CPNE2: variants seen among roughly 807,000 people sequenced by gnomAD.
CPNE2 encodes the protein copine-2.
In CPNE2, 42 loss-of-function variants were observed where a neutral mutation model predicts 69.7. The observed-to-expected ratio is 0.60, with a 90% CI of 0.47 to 0.78. CPNE2 has a LOEUF of 0.78. Among genes scored for constraint, CPNE2 ranks in the 30% least tolerant of loss-of-function variants. CPNE2 has a pLI of 0.00. For missense variants in CPNE2, 587 were observed against 732.0 expected (o/e 0.80, Z 2.29); for synonymous variants, 294 against 289.8 (o/e 1.01, Z -0.15).
chr16:57,142,815 T>C (rs2069932175), intron 14 of CPNE2: 1 of 152,230 alleles, frequency 6.6e-6, no homozygotes. Context: ...GCAGCTTCCC[T>C]AGACTCTGCC....
chr16:57,120,004 G>A (rs748077574), intron 7 of CPNE2, among the ~76,000 whole-genome samples: 2 of 152,254 alleles, frequency 1.3e-5, no homozygotes, highest in Non-Finnish European at 2.9e-5. Flanking sequence ...TGAGTGCAGT[G>A]TCTCATGCCT....
In CPNE2 at chr16:57,129,768, G is replaced by A. The variant is rs540302537; in HGVS notation, c.1116+1865G>A. 4.6e-5 allele frequency among the ~76,000 whole-genome samples: 7 copies of A among 152,300 alleles called. No homozygotes were observed. The East Asian group carries it at 1.2e-3, about 25-fold the overall frequency. On this transcript the variant is annotated intron_variant, in intron 12 of 15. Coordinates refer to ENST00000290776, the MANE Select transcript of CPNE2 (RefSeq NM_152727.6). ...CGGGAGGCAGTGGTTGCAGTGAGCCGAGATCGTGCCACTGCACTCCAGCCT... is the reference window on the plus strand; with the variant it reads ...CGGGAGGCAGTGGTTGCAGTGAGCCAAGATCGTGCCACTGCACTCCAGCCT...
chr16:57,126,502 G>A (rs77120348), intron 11 of CPNE2, among the ~76,000 whole-genome samples: 1,741 of 151,772 alleles, frequency 0.011, 27 homozygotes, highest in African/African-American at 0.036. Flanking sequence ...CCTTTGGGTC[G>A]GGCTGGGTAC....
chr16:57,099,264 G>A (rs2145232774), intron 1 of CPNE2, among the ~76,000 whole-genome samples: 1 of 152,310 alleles, frequency 6.6e-6, no homozygotes, highest in East Asian at 1.9e-4. Context: ...ACCCATCCGT[G>A]TTATTGCTAC....
In CPNE2 at chr16:57,122,417, A is replaced by G. The variant is rs143876717; in HGVS notation, c.867+657A>G. ...GCCTCGTCTGGCTAGGGTTTACACG[A>G]ACATTCAGTGGTGTCACGACAAAAA... On this transcript the variant is annotated intron_variant, in intron 9 of 15. Coordinates refer to ENST00000290776, the MANE Select transcript of CPNE2 (RefSeq NM_152727.6). Among the ~76,000 whole-genome samples the G allele has an allele frequency of 6.4e-3, 970 of 152,326 alleles. 10 individuals are homozygous for G. The highest frequency in any genetic ancestry group is 0.022 in the African/African-American group (927 of 41,564).
At chr16:57,135,974 AGGAG>A (rs1169502734) in intron 13 of CPNE2, among the ~76,000 whole-genome samples, 1 of 130,030 alleles carries the variant, frequency 7.7e-6, no homozygotes, top group African/African-American at 2.8e-5. Context: ...GGAAGGGAGA[AGGAG>A]GGAGGGAAGG....
chr16:57,119,402 G>A (rs917828253), intron 6 of CPNE2, 124 bp downstream of exon 6: 1 of 1,145,206 alleles, frequency 8.7e-7, no homozygotes, highest in Non-Finnish European at 1.3e-6. Context: ...AGTGGCACCT[G>A]AGGGATATGC....
intron 7 of CPNE2, among the ~76,000 whole-genome samples, chr16:57,120,823 G>A (rs2069756296): frequency 6.6e-6 from 1 of 152,182 alleles, no homozygotes; most frequent in Non-Finnish European, 1.5e-5. Context: ...GGTGGAGGGG[G>A]AGCCATTTGC....
chr16:57,119,626 T>G lies in CPNE2; in HGVS notation c.657T>G (p.Asp219Glu), dbSNP rs2145256849. The G allele has an allele frequency of 2.5e-6, 4 of 1,612,116 alleles. No individual in the cohort carries two copies. In the South Asian group the frequency reaches 4.4e-5, roughly 18 times the overall value. Reference sequence around the variant, plus strand: ...CAGTGCCCTTGGTGTCCCTGTGTGATGGGGACATGGAGAAGCCCATCCAGG... The same window carrying G: ...CAGTGCCCTTGGTGTCCCTGTGTGAGGGGGACATGGAGAAGCCCATCCAGG... ...PFTVPLVSLC[D>E]GDMEKPIQVM... Residue 219 changes from aspartate (D) to glutamate (E), a missense_variant, in exon 7 of 16, where the codon GAT becomes GAG. By Grantham distance (45) the Asp-to-Glu change is conservative. Transcript: ENST00000290776.
At chr16:57,106,750 G>A (rs1007864096) in intron 1 of CPNE2, among the ~76,000 whole-genome samples, 1 of 152,168 alleles carries the variant, frequency 6.6e-6, no homozygotes, top group Non-Finnish European at 1.5e-5. Flanking sequence ...ATGCAGGGGT[G>A]TGGACTGGGT....
intron 7 of CPNE2, 39 bp from the exon 8 acceptor site, chr16:57,121,054 G>C: frequency 6.5e-7 from 1 of 1,528,426 alleles, no homozygotes; most frequent in East Asian, 2.3e-5. Context: ...GCACCTCTTG[G>C]GGGACAGCTC....
chr16:57,145,998 C>T lies in CPNE2; in HGVS notation c.1303-87C>T, dbSNP rs115610426. Reference sequence around the variant, plus strand: ...TAAGATGCACTGCCTTCCTCCAGGACTCGGAGGGTTTGGGATGAAGGAGGG... The same window carrying T: ...TAAGATGCACTGCCTTCCTCCAGGATTCGGAGGGTTTGGGATGAAGGAGGG... On this transcript the variant is annotated intron_variant, in intron 14 of 15. Transcript: ENST00000290776. 1.6e-3 allele frequency: 1,897 copies of T among 1,150,726 alleles called. 18 individuals carry two copies. In the African/African-American group the frequency reaches 0.025, roughly 15 times the overall value. The allele number at this position is 1,150,726 out of a possible 1,614,324, so 71.3% of individuals were successfully genotyped here. A position where few individuals can be genotyped will look rare whatever the true frequency, so the allele number is the denominator to read the frequency against.
At chr16:57,116,699 G>A (rs995493361) in intron 4 of CPNE2, among the ~76,000 whole-genome samples, 11 of 152,214 alleles carry the variant, frequency 7.2e-5, no homozygotes, top group African/African-American at 2.2e-4. Flanking sequence ...GGAAATGGGG[G>A]TGATAATAGG....
chr16:57,143,142 C>G (rs1328778415), intron 14 of CPNE2: 1 of 152,294 alleles, frequency 6.6e-6, no homozygotes, highest in Non-Finnish European at 1.5e-5. Context: ...TTGATCTGTC[C>G]TGGGGGTAGG....
At chr16:57,096,549 A>G (rs115135741) in intron 1 of CPNE2, among the ~76,000 whole-genome samples, 83 of 151,998 alleles carry the variant, frequency 5.5e-4, no homozygotes, top group African/African-American at 1.9e-3. Context: ...AATAAACAAA[A>G]TTAGCTGGGT....
intron 9 of CPNE2, 159 bp from the exon 10 acceptor site, chr16:57,123,255 G>C (rs975602863): frequency 1.4e-6 from 1 of 725,490 alleles, no homozygotes; most frequent in Non-Finnish European, 2.4e-6. Context: ...TGAAGGCTTT[G>C]TTATAGAGAG....
rs2069974046 is a variant in CPNE2 at position 57,148,172 on chromosome 16, G to C, written c.*514G>C. The C allele has an allele frequency of 6.6e-6, 1 of 152,170 alleles. No individual in the cohort carries two copies. Among genetic ancestry groups the C allele is most frequent in the Non-Finnish European group, 1.5e-5 (1 of 68,112 alleles). The allele number at this position is 152,170 out of a possible 1,614,324, so 9.4% of individuals were successfully genotyped here. A position where few individuals can be genotyped will look rare whatever the true frequency, so the allele number is the denominator to read the frequency against. On this transcript the variant is annotated 3_prime_UTR_variant, in exon 16 of 16. Coordinates refer to ENST00000290776, the MANE Select transcript of CPNE2 (RefSeq NM_152727.6). Reference sequence around the variant, plus strand: ...TCAGCAGGGACCTGACGGGCTCACTGATCTAAGAAAGGAAATGGAAAATGA... The same window carrying C: ...TCAGCAGGGACCTGACGGGCTCACTCATCTAAGAAAGGAAATGGAAAATGA...
At chr16:57,120,671 T>C (rs1430477814) in intron 7 of CPNE2, among the ~76,000 whole-genome samples, 1 of 152,066 alleles carries the variant, frequency 6.6e-6, no homozygotes, top group African/African-American at 2.4e-5. Flanking sequence ...ATCAGTGGGA[T>C]GGGAACAATA....
At chr16:57,132,938 G>A (rs2069848895) in intron 12 of CPNE2, among the ~76,000 whole-genome samples, 2 of 152,160 alleles carry the variant, frequency 1.3e-5, no homozygotes, top group South Asian at 4.1e-4. Flanking sequence ...GAGGGGGGAA[G>A]AGTGGGGATG....
Sources: allele counts gnomAD v4.1 joint callset (sites outside exome capture counted in the v4.1 genomes callset), GRCh38; gene constraint gnomAD v4.1.1; transcripts MANE v1.5; gene names NCBI Gene and HGNC (gene_info 2026-07-23, HGNC 2026-07-21).